FANCC: variants seen among roughly 807,000 people sequenced by gnomAD.
FANCC encodes the protein FA complementation group C.
Under a neutral mutation model 71.3 loss-of-function variants are expected in FANCC, and 55 were observed. The observed-to-expected ratio is 0.77, with a 90% CI of 0.62 to 0.97. FANCC has a LOEUF of 0.97. Ranked by LOEUF, FANCC falls within the 50% of genes least tolerant of loss-of-function variation. The probability of loss-of-function intolerance (pLI) is 0.00; values close to 1 mark genes in which losing one functional copy is unlikely to be tolerated. For missense variants in FANCC, 678 were observed against 670.9 expected, an observed-to-expected ratio of 1.01 and a Z score of -0.12; for synonymous variants, 275 against 244.9, an observed-to-expected ratio of 1.12 and a Z score of -1.15.
chr9:95,125,618 T>C (rs147324512), intron 9 of FANCC, among the ~76,000 whole-genome samples: 3 of 152,334 alleles, frequency 2.0e-5, no homozygotes, highest in African/African-American at 4.8e-5. Flanking sequence ...CATGCATTAT[T>C]GTACAATTAA....
At chr9:95,128,506 T>C (rs768418725) in intron 8 of FANCC, among the ~76,000 whole-genome samples, 9 of 152,194 alleles carry the variant, frequency 5.9e-5, no homozygotes, top group Non-Finnish European at 1.0e-4. Flanking sequence ...TAGAGAATCA[T>C]TCAATACTAA....
At chr9:95,213,663 T>C (rs1828649436) in intron 4 of FANCC, among the ~76,000 whole-genome samples, 1 of 152,170 alleles carries the variant, frequency 6.6e-6, no homozygotes, top group Admixed American at 6.5e-5. Flanking sequence ...TAACTCAAAA[T>C]GCATCCATGG....
chr9:95,288,602 C>T (rs940625416), intron 1 of FANCC, among the ~76,000 whole-genome samples: 16 of 152,166 alleles, frequency 1.1e-4, no homozygotes, highest in Non-Finnish European at 2.4e-4. Flanking sequence ...ATGCATTCAG[C>T]ATGTTTCACT....
chr9:95,152,927 G>C (rs1434169822), intron 6 of FANCC, among the ~76,000 whole-genome samples: 1 of 152,124 alleles, frequency 6.6e-6, no homozygotes, highest in Non-Finnish European at 1.5e-5. Context: ...ACCAACGATA[G>C]TTGATGAGCT....
intron 4 of FANCC, among the ~76,000 whole-genome samples, chr9:95,205,562 TAA>T (rs553321518): frequency 7.0e-6 from 1 of 143,470 alleles, no homozygotes; most frequent in African/African-American, 2.5e-5. Context: ...AGTTTTTCTT[TAA>T]AAAAAAAAAA....
intron 13 of FANCC, chr9:95,110,508 G>A: frequency 9.7e-7 from 1 of 1,030,584 alleles, no homozygotes; most frequent in Non-Finnish European, 1.2e-6. Flanking sequence ...ACATACGTGG[G>A]TTATAATTTT....
At chr9:95,162,450 CAATT>C (rs1363186847) in intron 6 of FANCC, among the ~76,000 whole-genome samples, 2 of 152,026 alleles carry the variant, frequency 1.3e-5, no homozygotes, top group African/African-American at 2.4e-5. Context: ...ATTTTGTTCC[CAATT>C]ATTTGGAAAT....
chr9:95,124,647 G>T (rs1268300612), intron 10 of FANCC, among the ~76,000 whole-genome samples: 1 of 152,172 alleles, frequency 6.6e-6, no homozygotes, highest in Non-Finnish European at 1.5e-5. Flanking sequence ...TAAGAATGAA[G>T]ATGCTAATAA....
chr9:95,114,607 G>A (rs780297076), intron 12 of FANCC, 22 bp downstream of exon 12: 2 of 1,601,542 alleles, frequency 1.2e-6, no homozygotes, highest in Non-Finnish European at 1.7e-6. Context: ...AGTAGATTTG[G>A]GAGTGGTCAG....
intron 4 of FANCC, among the ~76,000 whole-genome samples, chr9:95,200,342 C>T (rs1207506414): frequency 6.6e-6 from 1 of 152,212 alleles, no homozygotes; most frequent in African/African-American, 2.4e-5. Flanking sequence ...AATAATAGTT[C>T]CTAACTCAGA....
At chr9:95,242,051 A>G (rs1163378392) in intron 3 of FANCC, among the ~76,000 whole-genome samples, 1 of 152,154 alleles carries the variant, frequency 6.6e-6, no homozygotes, top group African/African-American at 2.4e-5. Context: ...CCACAAACTA[A>G]ATAATGCTAA....
intron 13 of FANCC, among the ~76,000 whole-genome samples, chr9:95,108,737 C>A (rs2071661309): frequency 6.6e-6 from 1 of 152,108 alleles, no homozygotes; most frequent in African/African-American, 2.4e-5. Context: ...ATAACTCTAC[C>A]ATCCAAAAAG....
chr9:95,247,892 T>C (rs1478669189), intron 2 of FANCC, among the ~76,000 whole-genome samples: 1 of 152,246 alleles, frequency 6.6e-6, no homozygotes, highest in African/African-American at 2.4e-5. Flanking sequence ...CCCGTATCTT[T>C]ATCCTGGTTT....
At chr9:95,173,761 CA>C (rs897141374) in intron 4 of FANCC, among the ~76,000 whole-genome samples, 1 of 151,892 alleles carries the variant, frequency 6.6e-6, no homozygotes, top group South Asian at 2.1e-4. Context: ...ATAAAAAATA[CA>C]AAAAAATTAG....
At chr9:95,288,157 C>T (rs1833794816) in intron 1 of FANCC, among the ~76,000 whole-genome samples, 1 of 152,098 alleles carries the variant, frequency 6.6e-6, no homozygotes, top group Non-Finnish European at 1.5e-5. Context: ...ATAATTATTT[C>T]TTTTATCTAA....
chr9:95,269,084 C>T (rs1366102754), intron 1 of FANCC, among the ~76,000 whole-genome samples: 4 of 152,148 alleles, frequency 2.6e-5, no homozygotes, highest in Admixed American at 6.5e-5. Flanking sequence ...AACTAGAACC[C>T]TTGCCAAGAC....
intron 4 of FANCC, among the ~76,000 whole-genome samples, chr9:95,204,045 GA>G (rs1256771192): frequency 1.3e-5 from 2 of 152,156 alleles, no homozygotes; most frequent in Non-Finnish European, 2.9e-5. Flanking sequence ...GAGTGGAGGG[GA>G]TAACTGTAAA....
At chr9:95,126,806 C>T in intron 8 of FANCC, 1 of 531,708 alleles carries the variant, frequency 1.9e-6, no homozygotes, top group Non-Finnish European at 3.4e-6. Flanking sequence ...CCTCTGTATA[C>T]TCCTGTATGT....
At chr9:95,158,739 T>A (rs769874282) in intron 6 of FANCC, among the ~76,000 whole-genome samples, 6 of 152,200 alleles carry the variant, frequency 3.9e-5, no homozygotes, top group Non-Finnish European at 7.3e-5. Context: ...CCAGAGAGTA[T>A]GTCTGGACAG....
Sources: gnomAD v4.1 joint callset for allele counts (sites outside exome capture counted in the v4.1 genomes callset) on GRCh38, gnomAD v4.1.1 for gene constraint, MANE v1.5 for transcripts, NCBI Gene and HGNC (gene_info 2026-07-23, HGNC 2026-07-21) for gene names.